The following USP32 variants were observed in gnomAD, a reference collection of about 807,000 sequenced individuals.
USP32 encodes ubiquitin specific peptidase 32.
Under a neutral mutation model 204.8 loss-of-function variants are expected in USP32, and 59 were observed. The observed-to-expected ratio is 0.29, with a 90% CI of 0.23 to 0.36. The LOEUF (loss-of-function observed/expected upper bound fraction) is 0.36, where lower values mean the gene tolerates loss of function less well. USP32 is among the 10% of genes least tolerant of loss of function. USP32 has a pLI of 1.00. For synonymous variants in USP32, 517 were observed against 678.4 expected (o/e 0.76, Z 3.70); for missense variants, 1,160 against 1,946.4 (o/e 0.60, Z 7.60).
At position 60,391,909 on chromosome 17, in the gene USP32, G is replaced by C; in HGVS notation, c.31C>G (p.Leu11Val). Residue 11 changes from leucine to valine, a missense_variant, in exon 1 of 34, where the codon CTC becomes GTC. Physicochemically the swap from Leu to Val is conservative, Grantham distance 32. Transcript: ENST00000300896. ...CTCCTCAGCGCCTCCTCGTAGCTGA[G>C]GAATCCGATCCGTGACTCCTTGGCA... MGAKESRIGF[L>V]SYEEALRRVT... 6.2e-7 allele frequency: 1 copy of C among 1,612,128 alleles called. No individual in the cohort carries two copies. Among genetic ancestry groups the C allele is most frequent in the Non-Finnish European group, 8.5e-7 (1 of 1,179,294 alleles).
At chr17:60,196,325 A>ACAT (rs1309379649) in intron 27 of USP32, among the ~76,000 whole-genome samples, 1 of 151,088 alleles carries the variant, frequency 6.6e-6, no homozygotes, top group Non-Finnish European at 1.5e-5. Context: ...CCTATACTCC[A>ACAT]CATCCAATTC....
chr17:60,325,564 TG>T (rs1351047434), intron 2 of USP32, among the ~76,000 whole-genome samples: 1 of 152,160 alleles, frequency 6.6e-6, no homozygotes, highest in Non-Finnish European at 1.5e-5. Flanking sequence ...CAGGGAGGGA[TG>T]TAAGAAAGTT....
intron 21 of USP32, 144 bp from the exon 22 acceptor site, chr17:60,209,687 A>G: frequency 1.4e-6 from 1 of 699,358 alleles, no homozygotes; most frequent in Non-Finnish European, 2.1e-6. Flanking sequence ...TATATTTTGG[A>G]TAATCATGAA....
chr17:60,232,476 AT>A (rs764051983), intron 12 of USP32, among the ~76,000 whole-genome samples: 1,930 of 120,346 alleles, frequency 0.016, 9 homozygotes, highest in African/African-American at 0.026. Flanking sequence ...CCTGGCCCAA[AT>A]TTTTTTTTTT....
intron 1 of USP32, among the ~76,000 whole-genome samples, chr17:60,388,289 T>C (rs1598309066): frequency 3.5e-5 from 5 of 141,910 alleles, no homozygotes; most frequent in African/African-American, 1.4e-4. Flanking sequence ...AGCCGATTCT[T>C]ACACACACAC....
chr17:60,269,501 A>G lies in USP32; in HGVS notation c.760T>C (p.Ser254Pro). The change falls in exon 7 of 34, where the codon TCC becomes CCC. Residue 254 changes from serine to proline, a missense_variant. Ser to Pro is a moderately conservative substitution (Grantham distance 74). Around this residue, in one of 8 missense-constraint regions of USP32, gnomAD observed 536 missense variants for 680.9 expected, o/e 0.79. Transcript: ENST00000300896. ...RDNHIDFKEISCGLSACCRGP... is the reference protein window; with the variant it reads ...RDNHIDFKEIPCGLSACCRGP... ...CTGCAACAGGCTGATAACCCACAGG[A>G]TATCTCCTTAAAATCTATGTGATTG... 6.2e-7 allele frequency: 1 copy of G among 1,611,364 alleles called. No individual in the cohort carries two copies. Among genetic ancestry groups the G allele is most frequent in the East Asian group, 2.2e-5 (1 of 44,590 alleles).
chr17:60,245,961 G>A lies in USP32; in HGVS notation c.1136+6420C>T, dbSNP rs1265113866. On this transcript the variant is annotated intron_variant, in intron 11 of 33. Coordinates refer to ENST00000300896, the MANE Select transcript of USP32 (RefSeq NM_032582.4). ...TGATATTCTGATATATGCATACAATGCGTAATGATCAAATATGGTAATTAG... is the reference window on the plus strand; with the variant it reads ...TGATATTCTGATATATGCATACAATACGTAATGATCAAATATGGTAATTAG... Among the ~76,000 whole-genome samples the A allele has an allele frequency of 2.0e-5, 3 of 151,434 alleles. No individual in the cohort carries two copies. The East Asian group carries it at 5.8e-4, about 29-fold the overall frequency.
At chr17:60,204,709 TC>T (rs778217020) in intron 26 of USP32, among the ~76,000 whole-genome samples, 3 of 152,082 alleles carry the variant, frequency 2.0e-5, no homozygotes, top group Non-Finnish European at 4.4e-5. Context: ...CTTCAGGTGA[TC>T]CCCCTGCTTC....
chr17:60,208,752 T>C lies in USP32; in HGVS notation c.2675A>G (p.Lys892Arg). The change falls in exon 23 of 34, where the codon AAA (lysine) becomes AGA (arginine). Residue 892 changes from lysine to arginine, a missense_variant. By Grantham distance (26) the Lys-to-Arg change is conservative. Coordinates refer to ENST00000300896, the MANE Select transcript of USP32 (RefSeq NM_032582.4). Reference protein sequence around the residue: ...LFHGQLRSQVKCKTCGHISVR... With the variant: ...LFHGQLRSQVRCKTCGHISVR... ...ACTTATATGCCCACATGTCTTGCAT[T>C]TTACTTGAGATCTTAGCTGCCCATG... The C allele has an allele frequency of 6.2e-7, 1 of 1,605,156 alleles. No homozygotes were observed. Among genetic ancestry groups the C allele is most frequent in the South Asian group, 1.1e-5 (1 of 88,966 alleles).
intron 1 of USP32, among the ~76,000 whole-genome samples, chr17:60,411,630 C>G (rs117267778): frequency 4.0e-3 from 547 of 137,970 alleles, no homozygotes; most frequent in Admixed American, 8.8e-3. Flanking sequence ...CCACCTCAGC[C>G]TCCAGAGTAG....
Position 60,210,535 on chromosome 17 carries a change from G to A in USP32, c.2424+478C>T, listed in dbSNP as rs1311034374. Reference sequence around the variant, plus strand: ...TTGTCCAGGCTGGTCTTGAACTCCTGGCCTCAAGTGATCCACCCACCTCGG... The same window carrying A: ...TTGTCCAGGCTGGTCTTGAACTCCTAGCCTCAAGTGATCCACCCACCTCGG... On this transcript the variant is annotated intron_variant, in intron 21 of 33. Coordinates refer to ENST00000300896, the MANE Select transcript of USP32 (RefSeq NM_032582.4). Among the ~76,000 whole-genome samples the A allele has an allele frequency of 2.6e-5, 4 of 152,140 alleles. No homozygotes were observed. In the East Asian group the frequency reaches 7.7e-4, roughly 29 times the overall value.
At chr17:60,295,738 G>T (rs2087411811) in intron 3 of USP32, among the ~76,000 whole-genome samples, 1 of 151,972 alleles carries the variant, frequency 6.6e-6, no homozygotes, top group Non-Finnish European at 1.5e-5. Context: ...TTTTATTATA[G>T]TATATTGTTA....
chr17:60,229,239 T>A (rs947633286), intron 12 of USP32, among the ~76,000 whole-genome samples: 1 of 152,092 alleles, frequency 6.6e-6, no homozygotes, highest in Non-Finnish European at 1.5e-5. Context: ...GGGGTCTCAA[T>A]ATGTTACCCA....
chr17:60,412,550 A>T (rs2090026944), intron 1 of USP32, among the ~76,000 whole-genome samples: 1 of 151,802 alleles, frequency 6.6e-6, no homozygotes, highest in South Asian at 2.1e-4. Flanking sequence ...AAAAAAAAAA[A>T]ATAGTGATTT....
chr17:60,182,262 A>G lies in USP32; in HGVS notation c.4124-514T>C, dbSNP rs538172391. ...CCTTTTATACCTTTAAAAATTATTG[A>G]GAACCTTTAGAACTTTTATGTGAAT... On this transcript the variant is annotated intron_variant, in intron 31 of 33. Coordinates refer to ENST00000300896, the MANE Select transcript of USP32 (RefSeq NM_032582.4). Among the ~76,000 whole-genome samples, 332 of 152,334 alleles carry G rather than the reference A, an allele frequency of 2.2e-3. 4 individuals are homozygous for G. The highest frequency in any genetic ancestry group is 7.5e-3 in the African/African-American group (313 of 41,568).
intron 1 of USP32, among the ~76,000 whole-genome samples, chr17:60,391,656 C>T (rs907123525): frequency 6.6e-6 from 1 of 152,138 alleles, no homozygotes; most frequent in Admixed American, 6.5e-5. Flanking sequence ...CTGCCAGCGC[C>T]GATCCCCCTC....
intron 2 of USP32, among the ~76,000 whole-genome samples, chr17:60,341,798 T>A (rs933405250): frequency 6.6e-6 from 1 of 152,152 alleles, no homozygotes; most frequent in Admixed American, 6.5e-5. Context: ...AGTTAGCCAT[T>A]CGTCTAACCT....
chr17:60,303,947 T>C (rs1242230709), intron 2 of USP32, among the ~76,000 whole-genome samples: 1 of 152,000 alleles, frequency 6.6e-6, no homozygotes, highest in Non-Finnish European at 1.5e-5. Context: ...TGATGTAACA[T>C]TCAAGTAATC....
chr17:60,323,615 T>C (rs1305242582), intron 2 of USP32, among the ~76,000 whole-genome samples: 2 of 152,234 alleles, frequency 1.3e-5, no homozygotes, highest in Non-Finnish European at 2.9e-5. Context: ...ATGTAAATTA[T>C]AGCTCAATAA....
Sources: allele counts gnomAD v4.1 joint callset (sites outside exome capture counted in the v4.1 genomes callset), GRCh38; gene constraint gnomAD v4.1.1; regional missense constraint gnomAD v4.1.1; transcripts MANE v1.5; gene names NCBI Gene and HGNC (gene_info 2026-07-23, HGNC 2026-07-21).